GALNT17: variants seen among roughly 807,000 people sequenced by gnomAD.
GALNT17 encodes the protein UDP-GalNAc:polypeptide N-acetylgalactosaminyltransferase-like 3.
Under a neutral mutation model 63.7 loss-of-function variants are expected in GALNT17, and 29 were observed. The observed-to-expected ratio is 0.46, with a 90% confidence interval of 0.34 to 0.62. The LOEUF (loss-of-function observed/expected upper bound fraction) is 0.62, where lower values mean the gene tolerates loss of function less well. GALNT17 is among the 20% of genes least tolerant of loss of function. GALNT17 has a pLI of 0.01. For missense variants in GALNT17, 603 were observed against 799.6 expected (o/e 0.75, Z 2.97); for synonymous variants, 305 against 318.3 (o/e 0.96, Z 0.45).
chr7:71,514,449 A>C (rs1230137328), intron 5 of GALNT17, among the ~76,000 whole-genome samples: 2 of 152,096 alleles, frequency 1.3e-5, no homozygotes, highest in Non-Finnish European at 2.9e-5. Flanking sequence ...TGCTGTCCCC[A>C]GTGCCTTCCT....
chr7:71,285,369 T>C (rs1009929166), intron 1 of GALNT17, among the ~76,000 whole-genome samples: 5 of 152,238 alleles, frequency 3.3e-5, no homozygotes, highest in African/African-American at 1.2e-4. Flanking sequence ...TCACTTTAGC[T>C]TCATAACTCA....
intron 1 of GALNT17, among the ~76,000 whole-genome samples, chr7:71,185,522 C>CTTTTTTTTTT (rs747181057): frequency 2.4e-5 from 3 of 124,634 alleles, no homozygotes; most frequent in Admixed American, 9.1e-5. Flanking sequence ...CGTTTCTTTT[C>CTTTTTTTTTT]TTTTTTTTTT....
intron 5 of GALNT17, among the ~76,000 whole-genome samples, chr7:71,448,998 G>A (rs1262634873): frequency 6.6e-6 from 1 of 151,598 alleles, no homozygotes; most frequent in South Asian, 2.1e-4. Context: ...TAAACGGATG[G>A]ATTCCATTTG....
chr7:71,598,513 CCA>C (rs1789920309), intron 6 of GALNT17, among the ~76,000 whole-genome samples: 1 of 152,030 alleles, frequency 6.6e-6, no homozygotes, highest in African/African-American at 2.4e-5. Flanking sequence ...TTTTTTGTTT[CCA>C]GTGTATTTTG....
At chr7:71,250,309 A>G (rs1239753314) in intron 1 of GALNT17, among the ~76,000 whole-genome samples, 1 of 152,202 alleles carries the variant, frequency 6.6e-6, no homozygotes, top group Non-Finnish European at 1.5e-5. Flanking sequence ...AAAATAATGT[A>G]TAATTTATTA....
chr7:71,438,600 T>C lies in GALNT17; in HGVS notation c.962+17495T>C, dbSNP rs1437265285. Reference sequence around the variant, plus strand: ...AGGGGATAATAATAGTACTGTCTTATAGGGTTGTTGTGAAGATTAAATGAG... The same window carrying C: ...AGGGGATAATAATAGTACTGTCTTACAGGGTTGTTGTGAAGATTAAATGAG... On this transcript the variant is annotated intron_variant, in intron 5 of 10. Transcript: ENST00000333538. Among the ~76,000 whole-genome samples the C allele has an allele frequency of 6.6e-5, 10 of 152,206 alleles. No homozygotes were observed. In the East Asian group the frequency reaches 1.7e-3, roughly 26 times the overall value.
intron 1 of GALNT17, among the ~76,000 whole-genome samples, chr7:71,194,659 C>T (rs969637105): frequency 9.2e-5 from 14 of 152,252 alleles, no homozygotes; most frequent in African/African-American, 3.4e-4. Context: ...CCACTCAATC[C>T]CTCTGTACCT....
intron 1 of GALNT17, among the ~76,000 whole-genome samples, chr7:71,328,496 T>C (rs1583864606): frequency 1.3e-5 from 2 of 152,174 alleles, no homozygotes; most frequent in South Asian, 2.1e-4. Flanking sequence ...AGAAGGTTTC[T>C]TGGGTACACG....
chr7:71,700,914 T>A (rs546221202), intron 9 of GALNT17, among the ~76,000 whole-genome samples: 1 of 152,234 alleles, frequency 6.6e-6, no homozygotes, highest in Non-Finnish European at 1.5e-5. Flanking sequence ...TCATTCATGA[T>A]GTCAACAAAT....
intron 1 of GALNT17, among the ~76,000 whole-genome samples, chr7:71,286,016 G>A (rs1001817591): frequency 5.9e-5 from 9 of 152,138 alleles, no homozygotes; most frequent in African/African-American, 1.9e-4. Flanking sequence ...CCTAAATTCC[G>A]CAAAGCCAAA....
chr7:71,588,495 G>A (rs1347546996), intron 6 of GALNT17, among the ~76,000 whole-genome samples: 2 of 152,102 alleles, frequency 1.3e-5, no homozygotes, highest in Admixed American at 6.6e-5. Context: ...GAGCTATATG[G>A]CATTGAACAA....
At position 71,138,197 on chromosome 7, in the gene GALNT17, G is replaced by A. The variant is rs117385228; in HGVS notation, c.238+5157G>A. 3.6e-3 allele frequency among the ~76,000 whole-genome samples: 553 copies of A among 152,222 alleles called. 18 individuals carry two copies. In the East Asian group the frequency reaches 0.072, roughly 20 times the overall value. On this transcript the variant is annotated intron_variant, in intron 1 of 10. Coordinates refer to ENST00000333538, the MANE Select transcript of GALNT17 (RefSeq NM_022479.3). ...CCTCATCTTTACAAAAATCAGCTGG[G>A]CATGGTGGTGCACACCTGTGGTCCC... is the stretch of plus-strand genomic sequence containing the variant.
chr7:71,168,498 G>A (rs1169503333), intron 1 of GALNT17, among the ~76,000 whole-genome samples: 2 of 151,958 alleles, frequency 1.3e-5, no homozygotes, highest in Non-Finnish European at 2.9e-5. Flanking sequence ...TTTGAACCCC[G>A]GAGGCGGATG....
chr7:71,668,872 A>G (rs1008976857), intron 7 of GALNT17, among the ~76,000 whole-genome samples: 9 of 152,344 alleles, frequency 5.9e-5, no homozygotes, highest in African/African-American at 1.7e-4. Flanking sequence ...AAGCTTTGCA[A>G]TGGAAAATTA....
At chr7:71,327,244 G>A (rs1339347185) in intron 1 of GALNT17, among the ~76,000 whole-genome samples, 2 of 152,132 alleles carry the variant, frequency 1.3e-5, no homozygotes, top group Non-Finnish European at 2.9e-5. Flanking sequence ...CCAAGACTGG[G>A]TAATTTATAA....
At chr7:71,500,350 G>A (rs1297065098) in intron 5 of GALNT17, among the ~76,000 whole-genome samples, 1 of 152,186 alleles carries the variant, frequency 6.6e-6, no homozygotes, top group African/African-American at 2.4e-5. Flanking sequence ...GAAGACCACT[G>A]TTTGTTGACT....
chr7:71,534,133 T>A (rs989373324), intron 5 of GALNT17, among the ~76,000 whole-genome samples: 2 of 152,004 alleles, frequency 1.3e-5, no homozygotes, highest in African/African-American at 4.8e-5. Context: ...AAAGACATAC[T>A]CAAGACTGGG....
At chr7:71,448,001 C>G (rs1787189851) in intron 5 of GALNT17, among the ~76,000 whole-genome samples, 1 of 152,222 alleles carries the variant, frequency 6.6e-6, no homozygotes. Context: ...TCTTTTTTAG[C>G]TTATTCTCTC....
intron 1 of GALNT17, among the ~76,000 whole-genome samples, chr7:71,280,083 G>T (rs1790753550): frequency 6.6e-6 from 1 of 152,122 alleles, no homozygotes; most frequent in African/African-American, 2.4e-5. Flanking sequence ...AATGTATAGA[G>T]TAGCATTTTC....
Sources: gnomAD v4.1 joint callset for allele counts (sites outside exome capture counted in the v4.1 genomes callset) on GRCh38, gnomAD v4.1.1 for gene constraint, MANE v1.5 for transcripts, NCBI Gene and HGNC (gene_info 2026-07-23, HGNC 2026-07-21) for gene names.